Variants in TPTE2 observed in about 807,000 individuals in gnomAD.
The protein encoded by TPTE2 is transmembrane phosphoinositide 3-phosphatase and tensin homolog 2.
In TPTE2, 53 loss-of-function variants were observed where a neutral mutation model predicts 78.6. The observed-to-expected ratio is 0.67, with a 90% CI of 0.54 to 0.85. TPTE2 has a LOEUF of 0.85. TPTE2 is among the 40% of genes least tolerant of loss of function. TPTE2 has a pLI of 0.00. For missense variants in TPTE2, 461 were observed against 623.0 expected, an observed-to-expected ratio of 0.74 and a Z score of 2.77; for synonymous variants, 175 against 206.2, an observed-to-expected ratio of 0.85 and a Z score of 1.30.
chr13:19,434,435 T>A, intron 15 of TPTE2, among the ~76,000 whole-genome samples: 1 of 152,166 alleles, frequency 6.6e-6, no homozygotes, highest in African/African-American at 2.4e-5. Flanking sequence ...AAAGTCAAAG[T>A]GTGGCTCTTG....
At chr13:19,492,938 G>A (rs1881085695) in intron 2 of TPTE2, 35 bp from the exon 6 acceptor site, 2 of 1,612,502 alleles carry the variant, frequency 1.2e-6, no homozygotes, top group Admixed American at 1.7e-5. Flanking sequence ...TCAGATAGGA[G>A]ACACGATTCT....
chr13:19,547,720 C>CATATATATATATATATATAT, the TPTE2 span, among the ~76,000 whole-genome samples: 4,355 of 118,384 alleles, frequency 0.037, 232 homozygotes, highest in Non-Finnish European at 0.055. Context: ...AATAAATATA[C>CATATATATATATATATATAT]ATATATATAT....
chr13:19,480,923 T>TA (rs1880309084), intron 4 of TPTE2, among the ~76,000 whole-genome samples: 1 of 152,126 alleles, frequency 6.6e-6, no homozygotes, highest in Non-Finnish European at 1.5e-5. Flanking sequence ...TAAAAACTTG[T>TA]AAAAAACTTA....
chr13:19,447,378 T>C (rs1260163550), intron 13 of TPTE2, among the ~76,000 whole-genome samples: 1 of 152,198 alleles, frequency 6.6e-6, no homozygotes, highest in Non-Finnish European at 1.5e-5. Context: ...TCTTTAATAA[T>C]AACATTTTAG....
chr13:19,550,350 G>T, the TPTE2 span, among the ~76,000 whole-genome samples: 1 of 152,188 alleles, frequency 6.6e-6, no homozygotes, highest in Non-Finnish European at 1.5e-5. Flanking sequence ...GTGTTTCACT[G>T]CTGATGACAA....
chr13:19,560,370 C>A, the TPTE2 span: 1 of 1,606,760 alleles, frequency 6.2e-7, no homozygotes, highest in Non-Finnish European at 8.5e-7. Context: ...GGGCAGCCCC[C>A]AGTTCCCCCA....
intron 1 of TPTE2, among the ~76,000 whole-genome samples, chr13:19,530,553 A>AT (rs961205296): frequency 2.4e-4 from 37 of 151,632 alleles, no homozygotes; most frequent in African/African-American, 8.0e-4. Flanking sequence ...TATCATATTA[A>AT]TTTTTTTTTG....
chr13:19,491,219 T>C (rs1485385257), intron 3 of TPTE2, among the ~76,000 whole-genome samples: 8 of 152,178 alleles, frequency 5.3e-5, no homozygotes, highest in Non-Finnish European at 1.0e-4. Context: ...TACTTAAACC[T>C]CAAATTTTGT....
At chr13:19,453,352 T>G (rs889079264) in intron 10 of TPTE2, among the ~76,000 whole-genome samples, 1 of 151,936 alleles carries the variant, frequency 6.6e-6, no homozygotes, top group East Asian at 1.9e-4. Context: ...TCTCAACAAG[T>G]AAATATCTCA....
At chr13:19,451,839 G>A (rs1187818227) in intron 10 of TPTE2, among the ~76,000 whole-genome samples, 3,758 of 114,712 alleles carry the variant, frequency 0.033, 156 homozygotes, top group African/African-American at 0.1. Context: ...GTGTGTGTGT[G>A]TGTGTATATA....
chr13:19,430,457 T>A lies in TPTE2; in HGVS notation c.1302+11A>T, dbSNP rs767850278. On this transcript the variant is annotated intron_variant, in intron 17 of 19. Coordinates refer to ENST00000400230, the Ensembl canonical transcript of TPTE2. ...ACATCAGATTTTTTCAATTCACATG[T>A]TTTCTCTTACCGAACAATTTCCTAA... 2.5e-6 allele frequency: 4 copies of A among 1,603,142 alleles called. No individual in the cohort carries two copies. The highest frequency in any genetic ancestry group is 1.3e-5 in the African/African-American group (1 of 74,606).
intron 10 of TPTE2, among the ~76,000 whole-genome samples, chr13:19,456,442 A>T (rs1437820446): frequency 6.6e-6 from 1 of 152,226 alleles, no homozygotes; most frequent in Admixed American, 6.5e-5. Flanking sequence ...GTGGTGACAG[A>T]GCAAGGCCCT....
At chr13:19,437,038 G>GAGACACACAC (rs1555247890) in intron 14 of TPTE2, among the ~76,000 whole-genome samples, 1 of 145,904 alleles carries the variant, frequency 6.9e-6, no homozygotes, top group Non-Finnish European at 1.5e-5. Context: ...AAACCTAGGA[G>GAGACACACAC]ACACACACAC....
chr13:19,501,574 G>A (rs916694830), intron 1 of TPTE2, among the ~76,000 whole-genome samples: 1 of 151,416 alleles, frequency 6.6e-6, no homozygotes, highest in African/African-American at 2.4e-5. Context: ...TTTAATAAAT[G>A]GTGCTGGGAA....
chr13:19,508,479 A>C (rs576933237), intron 1 of TPTE2, among the ~76,000 whole-genome samples: 1 of 152,188 alleles, frequency 6.6e-6, no homozygotes, highest in Admixed American at 6.5e-5. Flanking sequence ...GAGTTGTAAG[A>C]AAAAATAAAA....
intron 17 of TPTE2, among the ~76,000 whole-genome samples, chr13:19,429,244 C>G (rs1285710387): frequency 2.0e-5 from 3 of 152,144 alleles, no homozygotes; most frequent in African/African-American, 4.8e-5. Flanking sequence ...GGTAAGGAGA[C>G]CACTGCAGAA....
chr13:19,489,722 GTATA>G (rs997186438), intron 3 of TPTE2, among the ~76,000 whole-genome samples: 2 of 144,638 alleles, frequency 1.4e-5, no homozygotes, highest in Non-Finnish European at 3.0e-5. Context: ...AGATATATCT[GTATA>G]TATATATACA....
At chr13:19,543,764 C>G in the TPTE2 span, among the ~76,000 whole-genome samples, 2 of 151,944 alleles carry the variant, frequency 1.3e-5, no homozygotes, top group African/African-American at 4.8e-5. Context: ...GTTCAGGCAG[C>G]TGACAAGAAG....
chr13:19,427,290 G>A (rs1249920373), intron 17 of TPTE2, among the ~76,000 whole-genome samples: 4 of 150,794 alleles, frequency 2.7e-5, no homozygotes, highest in Non-Finnish European at 5.9e-5. Flanking sequence ...TCACCATGTT[G>A]GCCAGAATGG....
Sources: gnomAD v4.1 joint callset for allele counts (sites outside exome capture counted in the v4.1 genomes callset) on GRCh38, gnomAD v4.1.1 for gene constraint, MANE v1.5 for transcripts, NCBI Gene and HGNC (gene_info 2026-07-23, HGNC 2026-07-21) for gene names.